PARP4: variants seen among roughly 807,000 people sequenced by gnomAD.
PARP4 encodes the protein poly(ADP-ribose) polymerase family member 4.
A neutral mutation model predicts 187.7 loss-of-function variants in PARP4; 120 were observed. The observed-to-expected ratio is 0.64, with a 90% CI of 0.55 to 0.74. The LOEUF is 0.74. Among genes scored for constraint, PARP4 ranks in the 30% least tolerant of loss-of-function variants. The pLI, the probability that PARP4 is intolerant of heterozygous loss-of-function variation, is 0.00. For missense variants in PARP4, 1,836 were observed against 2,070.5 expected, an observed-to-expected ratio of 0.89 and a Z score of 2.20; for synonymous variants, 654 against 740.9, an observed-to-expected ratio of 0.88 and a Z score of 1.90.
At chr13:24,459,543 ACACG>A (rs3978785) in intron 18 of PARP4, 92,576 of 278,390 alleles carry the variant, frequency 0.33, 11,897 homozygotes, top group Admixed American at 0.43. Flanking sequence ...ACACACACAC[ACACG>A]CACACACACA....
At chr13:24,511,534 C>A (rs1870019003) in intron 1 of PARP4, among the ~76,000 whole-genome samples, 1 of 152,332 alleles carries the variant, frequency 6.6e-6, no homozygotes. Context: ...CTCAGCGCGC[C>A]TCCTCACAAA....
intron 5 of PARP4, 140 bp from the exon 6 acceptor site, chr13:24,498,369 A>C: frequency 1.7e-6 from 1 of 589,436 alleles, no homozygotes; most frequent in Non-Finnish European, 3.0e-6. Flanking sequence ...ATCAAGAAGA[A>C]AATTAAAATC....
intron 6 of PARP4, 93 bp from the exon 7 acceptor site, chr13:24,494,815 A>C (rs1868853463): frequency 2.6e-6 from 2 of 764,960 alleles, no homozygotes; most frequent in African/African-American, 1.8e-5. Flanking sequence ...TGACATGAAG[A>C]AGCTTAGAAA....
chr13:24,426,836 G>A (rs1356229917), intron 32 of PARP4, among the ~76,000 whole-genome samples: 1 of 139,264 alleles, frequency 7.2e-6, no homozygotes, highest in Non-Finnish European at 1.5e-5. Context: ...AGCTTGCAGT[G>A]AGCCGAGATC....
chr13:24,467,903 C>T (rs17080726), intron 17 of PARP4, among the ~76,000 whole-genome samples: 12,537 of 152,178 alleles, frequency 0.082, 644 homozygotes, highest in East Asian at 0.27. Context: ...TTTGGCCATA[C>T]ATAGAGCCAG....
At chr13:24,440,671 G>C (rs1870879325) in intron 30 of PARP4, among the ~76,000 whole-genome samples, 1 of 152,168 alleles carries the variant, frequency 6.6e-6, no homozygotes, top group Admixed American at 6.5e-5. Flanking sequence ...GGAAGGTCAA[G>C]TCCCAGAGAG....
intron 32 of PARP4, among the ~76,000 whole-genome samples, chr13:24,430,790 C>CAAT (rs1870297137): frequency 6.6e-6 from 1 of 152,170 alleles, no homozygotes; most frequent in South Asian, 2.1e-4. Flanking sequence ...AGAGGTTGAA[C>CAAT]AACTGCCTCT....
chr13:24,438,256 G>A (rs192057737), intron 30 of PARP4, among the ~76,000 whole-genome samples: 154 of 152,324 alleles, frequency 1.0e-3, no homozygotes, highest in African/African-American at 3.6e-3. Flanking sequence ...GTTTTGGGAT[G>A]AAAGTATTCC....
In PARP4 at chr13:24,477,861, GAGCAAACAGAA is replaced by G; in HGVS notation, c.1633-15_1633-5del. ...TATAGACAACAAATTCATCATCCTA[GAGCAAACAGAA>G]ATCAGTAGGTGATTAACAACAGAAG... On this transcript the variant is annotated splice_polypyrimidine_tract_variant and splice_region_variant and intron_variant, in intron 13 of 33. Coordinates refer to ENST00000381989, the MANE Select transcript of PARP4 (RefSeq NM_006437.4). 1 of 1,553,502 alleles carries G rather than the reference GAGCAAACAGAA, an allele frequency of 6.4e-7. No individual in the cohort carries two copies. Among genetic ancestry groups the G allele is most frequent in the Non-Finnish European group, 8.7e-7 (1 of 1,151,594 alleles).
chr13:24,499,207 C>T, intron 5 of PARP4, 94 bp downstream of exon 5: 3 of 1,352,602 alleles, frequency 2.2e-6, no homozygotes, highest in Non-Finnish European at 2.9e-6. Flanking sequence ...TTTTTCAAAA[C>T]AATGAGAAAA....
Position 24,478,275 on chromosome 13 carries a change from T to C in PARP4, c.1450A>G (p.Thr484Ala), listed in dbSNP as rs201135345. Residue 484 changes from threonine to alanine, a missense_variant and splice_region_variant, in exon 13 of 34, where the codon ACA (threonine) becomes GCA (alanine). By Grantham distance (58) the Thr-to-Ala change is moderately conservative (BLOSUM62 0). Transcript: ENST00000381989. ...SGIYFSDSLS[T>A]SIKYSHPGET... ...CCCGGGTGTGAGTACTTGATACTTG[T>C]ACTACATGCGAAAGGAAATAAACAC... The C allele has an allele frequency of 1.9e-6, 3 of 1,597,430 alleles. No homozygotes were observed. Among genetic ancestry groups the C allele is most frequent in the Non-Finnish European group, 2.6e-6 (3 of 1,168,916 alleles).
chr13:24,423,987 T>C (rs1306983004), intron 33 of PARP4, among the ~76,000 whole-genome samples: 3 of 152,034 alleles, frequency 2.0e-5, no homozygotes, highest in Non-Finnish European at 4.4e-5. Context: ...ACAAAAAGTT[T>C]TTTGTAGAGA....
intron 15 of PARP4, among the ~76,000 whole-genome samples, chr13:24,474,185 T>C (rs904537458): frequency 2.0e-4 from 31 of 152,104 alleles, no homozygotes; most frequent in Non-Finnish European, 4.0e-4. Context: ...CCGCTGTCTT[T>C]CTCTTGTGTC....
At chr13:24,478,395 A>G (rs1393133286) in intron 12 of PARP4, 119 bp from the exon 13 acceptor site, 9 of 564,668 alleles carry the variant, frequency 1.6e-5, no homozygotes, top group Non-Finnish European at 2.1e-5. Flanking sequence ...AAATATCTCC[A>G]AAGACTCAAT....
chr13:24,502,646 T>C (rs574929297), intron 2 of PARP4, among the ~76,000 whole-genome samples: 11 of 152,346 alleles, frequency 7.2e-5, no homozygotes, highest in Middle Eastern at 3.4e-3. Context: ...TTTATGTACA[T>C]TGACTTCCAC....
In PARP4 at chr13:24,435,085, T is replaced by C; in HGVS notation, c.4056A>G (p.Ser1352=). 1.9e-6 allele frequency: 3 copies of C among 1,614,148 alleles called. No homozygotes were observed. The South Asian group carries it at 3.3e-5, about 18-fold the overall frequency. Residue 1352 remains serine, a synonymous_variant, in exon 31 of 34, where the codon TCA becomes TCG. Coordinates refer to ENST00000381989, the MANE Select transcript of PARP4 (RefSeq NM_006437.4). ...ASYRQVASFG[S]AAPPRQFDAS... Reference sequence around the variant, plus strand: ...CATCAAACTGTCTGGGAGGAGCAGCTGAACCGAAACTAGCTACCTGACGAT... The same window carrying C: ...CATCAAACTGTCTGGGAGGAGCAGCCGAACCGAAACTAGCTACCTGACGAT...
intron 14 of PARP4, among the ~76,000 whole-genome samples, chr13:24,476,830 C>T (rs1023592850): frequency 3.3e-5 from 5 of 152,202 alleles, no homozygotes; most frequent in African/African-American, 7.2e-5. Flanking sequence ...GGCTAACACA[C>T]GCACCACACA....
At chr13:24,498,079 T>C in intron 6 of PARP4, 37 bp downstream of exon 6, 1 of 1,390,474 alleles carries the variant, frequency 7.2e-7, no homozygotes, top group Non-Finnish European at 1.0e-6. Flanking sequence ...TGAACAGAGG[T>C]CAGTAAACAC....
chr13:24,431,398 G>T lies in PARP4; in HGVS notation c.4825C>A (p.Gln1609Lys), dbSNP rs1293740404. 2.5e-6 allele frequency: 4 copies of T among 1,591,562 alleles called. No homozygotes were observed. Among genetic ancestry groups the T allele is most frequent in the Admixed American group, 3.6e-5 (2 of 55,192 alleles). Residue 1609 changes from glutamine (Q) to lysine (K), a missense_variant, in exon 32 of 34, where the codon CAA (glutamine) becomes AAA (lysine). Gln to Lys is a moderately conservative substitution (Grantham distance 53). Coordinates refer to ENST00000381989, the MANE Select transcript of PARP4 (RefSeq NM_006437.4). ...TTACCTAGAGATTGAATGCCTTTTTGTTTAAGAAAGCTGTGCAAACCATTT... is the reference window on the plus strand; with the variant it reads ...TTACCTAGAGATTGAATGCCTTTTTTTTTAAGAAAGCTGTGCAAACCATTT... ...NTNGLHSFLK[Q>K]KGIQSLGVKG...
Sources: allele counts gnomAD v4.1 joint callset (sites outside exome capture counted in the v4.1 genomes callset), GRCh38; gene constraint gnomAD v4.1.1; transcripts MANE v1.5; gene names NCBI Gene and HGNC (gene_info 2026-07-23, HGNC 2026-07-21).